Variants in CNTNAP2 observed in about 807,000 individuals in gnomAD.
The protein encoded by CNTNAP2 is contactin associated protein 2.
CNTNAP2 carries 98 observed loss-of-function variants against 155.2 expected under a neutral mutation model. The ratio of observed to expected loss-of-function variants is 0.63; its 90% confidence interval spans 0.54 to 0.75. The LOEUF is 0.75. Ranked by LOEUF, CNTNAP2 falls within the 30% of genes least tolerant of loss-of-function variation. The probability of loss-of-function intolerance (pLI) is 0.00; values close to 1 mark genes in which losing one functional copy is unlikely to be tolerated. For synonymous variants in CNTNAP2, 651 were observed against 631.2 expected, an observed-to-expected ratio of 1.03 and a Z score of -0.47; for missense variants, 1,727 against 1,688.1, an observed-to-expected ratio of 1.02 and a Z score of -0.40.
intron 3 of CNTNAP2, among the ~76,000 whole-genome samples, chr7:146,976,748 G>C (rs1797918975): frequency 6.6e-6 from 1 of 152,126 alleles, no homozygotes; most frequent in Non-Finnish European, 1.5e-5. Context: ...ATGGAGAAAT[G>C]TCATTACACA....
chr7:146,974,520 A>G (rs1797869031), intron 3 of CNTNAP2, among the ~76,000 whole-genome samples: 2 of 152,242 alleles, frequency 1.3e-5, no homozygotes, highest in African/African-American at 4.8e-5. Flanking sequence ...ATTTAGAGTT[A>G]GATTTTCTGT....
chr7:147,683,158 A>G (rs1451397206), intron 13 of CNTNAP2, among the ~76,000 whole-genome samples: 1 of 151,936 alleles, frequency 6.6e-6, no homozygotes, highest in African/African-American at 2.4e-5. Flanking sequence ...AATATGTTCA[A>G]GTAACAAAAG....
intron 1 of CNTNAP2, among the ~76,000 whole-genome samples, chr7:146,545,322 AC>A (rs1563128584): frequency 2.0e-5 from 3 of 152,100 alleles, no homozygotes; most frequent in African/African-American, 7.2e-5. Flanking sequence ...ACACAAAAAA[AC>A]AAAAACTGAT....
At chr7:146,351,580 A>G (rs1198706658) in intron 1 of CNTNAP2, among the ~76,000 whole-genome samples, 1 of 151,258 alleles carries the variant, frequency 6.6e-6, no homozygotes. Context: ...GTATCATTAA[A>G]CCCCTCAACT....
chr7:146,262,746 C>T (rs73457975), intron 1 of CNTNAP2, among the ~76,000 whole-genome samples: 2,969 of 152,040 alleles, frequency 0.02, 121 homozygotes, highest in African/African-American at 0.068. Context: ...TTGTTTTAGT[C>T]GCTGTGATAA....
At chr7:148,298,214 A>T (rs1378223996) in intron 21 of CNTNAP2, among the ~76,000 whole-genome samples, 1 of 152,156 alleles carries the variant, frequency 6.6e-6, no homozygotes, top group Non-Finnish European at 1.5e-5. Context: ...GGGTAGTTGG[A>T]TGGTGCTAGT....
chr7:147,111,098 G>C (rs1256330358), intron 5 of CNTNAP2, among the ~76,000 whole-genome samples: 1 of 152,110 alleles, frequency 6.6e-6, no homozygotes, highest in African/African-American at 2.4e-5. Context: ...TCTCATTGCA[G>C]TTTTGATTTG....
intron 15 of CNTNAP2, among the ~76,000 whole-genome samples, chr7:148,053,179 A>G (rs922596459): frequency 5.3e-5 from 8 of 152,218 alleles, no homozygotes; most frequent in Non-Finnish European, 1.2e-4. Context: ...ACAATTCCAC[A>G]TGTATTTACA....
chr7:147,691,840 C>T (rs151053390), intron 13 of CNTNAP2, among the ~76,000 whole-genome samples: 2,505 of 152,104 alleles, frequency 0.016, 223 homozygotes, highest in Admixed American at 0.15. Context: ...TGATTTGTTA[C>T]AATCAATAAA....
rs1046634489 is a variant in CNTNAP2, at chr7:147,375,873, C to A, written c.1499-19736C>A. 7.2e-5 allele frequency among the ~76,000 whole-genome samples: 11 copies of A among 152,132 alleles called. No homozygotes were observed. In the East Asian group the frequency reaches 2.1e-3, roughly 29 times the overall value. ...GTTTTCAGAGGCAGAGGAAGCAGAACTATAATCAACTAATCAAGCCCCTTT... is the reference window on the plus strand; with the variant it reads ...GTTTTCAGAGGCAGAGGAAGCAGAAATATAATCAACTAATCAAGCCCCTTT... On this transcript the variant is annotated intron_variant, in intron 9 of 23. Transcript: ENST00000361727.
In CNTNAP2 at chr7:148,420,218, C is replaced by G. The variant is rs1800083055; in HGVS notation, c.*4602C>G. ...CCACCTGAATGTAACTTACAGCTCC[C>G]TTACCTACTCTCACACATGCCCTCA... is the stretch of plus-strand genomic sequence containing the variant. On this transcript the variant is annotated 3_prime_UTR_variant, in exon 24 of 24. Coordinates refer to ENST00000361727, the MANE Select transcript of CNTNAP2 (RefSeq NM_014141.6). The G allele has an allele frequency of 6.6e-6, 1 of 152,192 alleles. No individual in the cohort carries two copies. The highest frequency in any genetic ancestry group is 2.1e-4 in the South Asian group (1 of 4,830). 9.4% of individuals were successfully genotyped at this position (152,192 alleles called of 1,614,324 possible). A position where few individuals can be genotyped will look rare whatever the true frequency, so the allele number is the denominator to read the frequency against.
At chr7:147,813,968 A>T (rs1294417401) in intron 13 of CNTNAP2, among the ~76,000 whole-genome samples, 1 of 152,178 alleles carries the variant, frequency 6.6e-6, no homozygotes, top group Non-Finnish European at 1.5e-5. Context: ...CGACAAGCTC[A>T]AAGGACAAAG....
Position 146,199,411 on chromosome 7 carries a change from A to G in CNTNAP2, c.97+82438A>G, listed in dbSNP as rs1009945444. ...AGGGATGGGTAGAACAGAAGATTGCACAGGGCAGGACAGAGGAACAAATGA... is the reference window on the plus strand; with the variant it reads ...AGGGATGGGTAGAACAGAAGATTGCGCAGGGCAGGACAGAGGAACAAATGA... On this transcript the variant is annotated intron_variant, in intron 1 of 23. Coordinates refer to ENST00000361727, the MANE Select transcript of CNTNAP2 (RefSeq NM_014141.6). 3.9e-5 allele frequency among the ~76,000 whole-genome samples: 6 copies of G among 152,318 alleles called. No individual in the cohort carries two copies. In the South Asian group the frequency reaches 1.0e-3, roughly 26 times the overall value.
intron 3 of CNTNAP2, among the ~76,000 whole-genome samples, chr7:146,873,755 A>G (rs1795364391): frequency 6.6e-6 from 1 of 152,142 alleles, no homozygotes; most frequent in East Asian, 1.9e-4. Context: ...CAAGGATATA[A>G]TGATTACAAT....
At chr7:148,080,052 T>C (rs926758552) in intron 15 of CNTNAP2, among the ~76,000 whole-genome samples, 3 of 152,230 alleles carry the variant, frequency 2.0e-5, no homozygotes, top group Non-Finnish European at 4.4e-5. Context: ...TGTCTCCCTA[T>C]GAGAGTCAGC....
intron 15 of CNTNAP2, among the ~76,000 whole-genome samples, chr7:147,995,544 T>C (rs78074653): frequency 6.6e-6 from 1 of 151,718 alleles, no homozygotes; most frequent in Non-Finnish European, 1.5e-5. Flanking sequence ...TTTTTTTTTT[T>C]TGAGATGGAA....
At chr7:146,988,874 C>CATCTTTGTGCATGATGCACATAA (rs1798161416) in intron 3 of CNTNAP2, among the ~76,000 whole-genome samples, 1 of 152,186 alleles carries the variant, frequency 6.6e-6, no homozygotes, top group Non-Finnish European at 1.5e-5. Flanking sequence ...ATGACAACAT[C>CATCTTTGTGCATGATGCACATAA]TGCATCTGTT....
chr7:148,141,044 C>T (rs1332996205), intron 16 of CNTNAP2, among the ~76,000 whole-genome samples: 2 of 152,190 alleles, frequency 1.3e-5, no homozygotes, highest in Non-Finnish European at 2.9e-5. Flanking sequence ...GTCAGAATCA[C>T]CTGGCATTAA....
At chr7:147,547,965 T>A (rs1799774326) in intron 11 of CNTNAP2, among the ~76,000 whole-genome samples, 1 of 152,234 alleles carries the variant, frequency 6.6e-6, no homozygotes, top group Non-Finnish European at 1.5e-5. Context: ...TGTGTAGTAT[T>A]CCATGGTGTA....
Sources: gnomAD v4.1 joint callset for allele counts (sites outside exome capture counted in the v4.1 genomes callset) on GRCh38, gnomAD v4.1.1 for gene constraint, MANE v1.5 for transcripts, NCBI Gene and HGNC (gene_info 2026-07-23, HGNC 2026-07-21) for gene names.